ZBTB7C: variants seen among roughly 807,000 people sequenced by gnomAD.
ZBTB7C encodes the protein zinc finger and BTB domain containing 7C.
ZBTB7C carries 8 observed loss-of-function variants against 25.7 expected under a neutral mutation model. That is an observed-to-expected ratio of 0.31 (90% CI 0.18 to 0.56). ZBTB7C has a LOEUF of 0.56. Among genes scored for constraint, ZBTB7C ranks in the 20% least tolerant of loss-of-function variants. The pLI is 0.91. For synonymous variants in ZBTB7C, 394 were observed against 369.0 expected (o/e 1.07, Z -0.78); for missense variants, 824 against 855.2 (o/e 0.96, Z 0.46).
intron 1 of ZBTB7C, among the ~76,000 whole-genome samples, chr18:48,389,222 C>CG (rs1568418153): frequency 1.9e-3 from 237 of 126,686 alleles, no homozygotes; most frequent in Middle Eastern, 7.5e-3. Flanking sequence ...CTCTCTCTCT[C>CG]TCTCTCTCTC....
chr18:48,079,053 T>C (rs2144466500), intron 3 of ZBTB7C, among the ~76,000 whole-genome samples: 1 of 152,336 alleles, frequency 6.6e-6, no homozygotes, highest in East Asian at 1.9e-4. Flanking sequence ...TTTCATTTAT[T>C]TTGGGTATAT....
rs1006695377 is a variant in ZBTB7C at position 48,029,192 on chromosome 18, G to C, written c.*68C>G. The C allele has an allele frequency of 4.4e-5, 65 of 1,469,902 alleles. No homozygotes were observed. Among genetic ancestry groups the C allele is most frequent in the Non-Finnish European group, 5.6e-5 (63 of 1,119,076 alleles). The allele number at this position is 1,469,902 out of a possible 1,614,324, so 91.1% of individuals were successfully genotyped here. ...AAAATGAAAAGTTCAGATCCATGGG[G>C]TAGGGTAGAGTGGGCCTGGAGGGAG... On this transcript the variant is annotated 3_prime_UTR_variant, in exon 5 of 5. Coordinates refer to ENST00000590800, the MANE Select transcript of ZBTB7C (RefSeq NM_001318841.2).
chr18:48,294,586 G>C (rs903145490), intron 2 of ZBTB7C, among the ~76,000 whole-genome samples: 1 of 152,014 alleles, frequency 6.6e-6, no homozygotes, highest in African/African-American at 2.4e-5. Context: ...TCTAGCAGCT[G>C]AGATGGACCT....
chr18:48,238,669 G>T (rs763902604), intron 2 of ZBTB7C, among the ~76,000 whole-genome samples: 27 of 152,238 alleles, frequency 1.8e-4, no homozygotes, highest in Non-Finnish European at 1.0e-4. Context: ...ATCTTACAGG[G>T]TTCCTTGGGG....
chr18:48,270,459 G>A (rs1219291059), intron 2 of ZBTB7C, among the ~76,000 whole-genome samples: 2 of 150,864 alleles, frequency 1.3e-5, no homozygotes. Context: ...ACTTTGGGAG[G>A]CCCAGGTGGG....
At position 48,239,639 on chromosome 18, in the gene ZBTB7C, C is replaced by T. The variant is rs1457119713; in HGVS notation, c.-78-53644G>A. Among the ~76,000 whole-genome samples, 4 of 152,166 alleles carry T rather than the reference C, an allele frequency of 2.6e-5. 1 individual carries two copies. The highest frequency in any genetic ancestry group is 3.9e-4 in the East Asian group (2 of 5,180). On this transcript the variant is annotated intron_variant, in intron 2 of 4. Transcript: ENST00000590800. ...CAATAACAATCACTGTAGTCTGGCT[C>T]TCAGGAAGCCCCATCCCTAGGGGAA...
intron 2 of ZBTB7C, among the ~76,000 whole-genome samples, chr18:48,260,713 C>T (rs982113151): frequency 5.3e-5 from 8 of 152,122 alleles, no homozygotes; most frequent in Admixed American, 4.6e-4. Flanking sequence ...GTAAAGTTTT[C>T]GAGTTGGCAA....
chr18:48,338,676 T>C (rs2046514640), intron 1 of ZBTB7C, among the ~76,000 whole-genome samples: 1 of 152,182 alleles, frequency 6.6e-6, no homozygotes, highest in African/African-American at 2.4e-5. Flanking sequence ...TCATTTCATC[T>C]GCCTGAAAGA....
At chr18:48,119,096 G>A (rs919040316) in intron 3 of ZBTB7C, among the ~76,000 whole-genome samples, 1 of 151,858 alleles carries the variant, frequency 6.6e-6, no homozygotes, top group African/African-American at 2.4e-5. Context: ...CCATCCTCAG[G>A]GTTTCTGATT....
chr18:48,257,449 A>T (rs113710434), intron 2 of ZBTB7C, among the ~76,000 whole-genome samples: 1,653 of 152,314 alleles, frequency 0.011, 16 homozygotes, highest in South Asian at 0.039. Context: ...TTTTAGACTC[A>T]GCTGGCTTCA....
intron 2 of ZBTB7C, among the ~76,000 whole-genome samples, chr18:48,253,810 A>C (rs776642717): frequency 1.3e-4 from 20 of 152,336 alleles, no homozygotes; most frequent in Non-Finnish European, 2.9e-4. Flanking sequence ...AGAATTCTGG[A>C]TAGAAATACA....
At chr18:48,103,091 ATATATAT>A (rs146706907) in intron 3 of ZBTB7C, among the ~76,000 whole-genome samples, 16,644 of 126,968 alleles carry the variant, frequency 0.13, 2,292 homozygotes, top group African/African-American at 0.33. Flanking sequence ...TATATATCTT[ATATATAT>A]TATATATTTT....
intron 2 of ZBTB7C, among the ~76,000 whole-genome samples, chr18:48,296,288 C>A (rs903464577): frequency 6.6e-6 from 1 of 152,172 alleles, no homozygotes; most frequent in African/African-American, 2.4e-5. Context: ...AGGGTGGCAG[C>A]CTCCTCCTCT....
At chr18:48,035,761 C>T (rs896079125) in intron 4 of ZBTB7C, among the ~76,000 whole-genome samples, 2 of 152,258 alleles carry the variant, frequency 1.3e-5, no homozygotes, top group African/African-American at 4.8e-5. Context: ...CTAGGCATCA[C>T]CTCTGGCCGA....
chr18:48,039,879 C>A, intron 4 of ZBTB7C, 21 bp downstream of exon 4: 1 of 1,607,398 alleles, frequency 6.2e-7, no homozygotes, highest in Non-Finnish European at 8.5e-7. Context: ...GTGCCCCACA[C>A]CCGAGGGCTG....
At chr18:48,395,268 T>TGG (rs2047997738) in intron 1 of ZBTB7C, among the ~76,000 whole-genome samples, 1 of 3,876 alleles carries the variant, frequency 2.6e-4, no homozygotes, top group Non-Finnish European at 8.8e-4. Context: ...AGAGAGAATG[T>TGG]GTGTGTGTGT....
At chr18:48,301,332 A>G (rs1440726457) in intron 2 of ZBTB7C, among the ~76,000 whole-genome samples, 1 of 152,208 alleles carries the variant, frequency 6.6e-6, no homozygotes, top group Non-Finnish European at 1.5e-5. Flanking sequence ...ACGAAAAATT[A>G]GCCGAGTGTG....
chr18:48,067,489 T>C (rs888803123), intron 3 of ZBTB7C, among the ~76,000 whole-genome samples: 3 of 152,176 alleles, frequency 2.0e-5, no homozygotes, highest in Non-Finnish European at 4.4e-5. Context: ...TTTAAATCAG[T>C]AGACTTTCAG....
At chr18:48,331,721 T>C (rs1292183274) in intron 2 of ZBTB7C, among the ~76,000 whole-genome samples, 2 of 152,218 alleles carry the variant, frequency 1.3e-5, no homozygotes, top group East Asian at 3.8e-4. Flanking sequence ...AAATGTTCTG[T>C]ACTGTCACTT....
Sources: gnomAD v4.1 joint callset for allele counts (sites outside exome capture counted in the v4.1 genomes callset) on GRCh38, gnomAD v4.1.1 for gene constraint, MANE v1.5 for transcripts, NCBI Gene and HGNC (gene_info 2026-07-23, HGNC 2026-07-21) for gene names.